The following TIGIT variants were observed in gnomAD, a reference collection of about 807,000 sequenced individuals.
TIGIT encodes T cell immunoreceptor with Ig and ITIM domains, also known as T-cell immunoreceptor with Ig and ITIM domains.
A neutral mutation model predicts 19.6 loss-of-function variants in TIGIT; 11 were observed. The observed-to-expected ratio is 0.56, with a 90% CI of 0.35 to 0.93. The LOEUF is 0.93. Ranked by LOEUF, TIGIT falls within the 40% of genes least tolerant of loss-of-function variation. The pLI, the probability that TIGIT is intolerant of heterozygous loss-of-function variation, is 0.01. For synonymous variants in TIGIT, 130 were observed against 125.5 expected, an observed-to-expected ratio of 1.04 and a Z score of -0.24; for missense variants, 295 against 303.9, an observed-to-expected ratio of 0.97 and a Z score of 0.22.
chr3:114,297,532 G>A (rs2078462913), intron 2 of TIGIT, among the ~76,000 whole-genome samples: 1 of 152,176 alleles, frequency 6.6e-6, no homozygotes, highest in African/African-American at 2.4e-5. Flanking sequence ...TCATATGCCA[G>A]AGGACCCATC....
intron 3 of TIGIT, among the ~76,000 whole-genome samples, chr3:114,303,199 A>AT (rs557808265): frequency 1.4e-3 from 213 of 151,260 alleles, no homozygotes; most frequent in Non-Finnish European, 2.5e-3. Flanking sequence ...GATTTCTGAG[A>AT]TTTTGGTGCA....
At chr3:114,300,605 GTA>G (rs2078486598) in intron 3 of TIGIT, among the ~76,000 whole-genome samples, 1 of 152,138 alleles carries the variant, frequency 6.6e-6, no homozygotes, top group African/African-American at 2.4e-5. Flanking sequence ...TTCTGCCGCT[GTA>G]ACAGAATACA....
intron 3 of TIGIT, among the ~76,000 whole-genome samples, chr3:114,306,622 T>G (rs2078536798): frequency 6.6e-6 from 1 of 152,144 alleles, no homozygotes; most frequent in African/African-American, 2.4e-5. Flanking sequence ...ATGAGAAAAC[T>G]TCAGTCAAAT....
rs764546288 is a variant in TIGIT, at chr3:114,295,616, T to C, written c.133T>C (p.Cys45Arg). 9 of 1,614,180 alleles carry C rather than the reference T, an allele frequency of 5.6e-6. No individual in the cohort carries two copies. The highest frequency in any genetic ancestry group is 6.8e-6 in the Non-Finnish European group (8 of 1,180,026). ...AEKGGSIILQ[C>R]HLSSTTAQVT... ...GAAAGGTGGCTCTATCATCTTACAA[T>C]GTCACCTCTCCTCCACCACGGCACA... The change falls in exon 2 of 4, where the codon TGT becomes CGT. Residue 45 changes from cysteine to arginine, a missense_variant. Coordinates refer to ENST00000383671, the MANE Select transcript of TIGIT (RefSeq NM_173799.4).
Position 114,308,164 on chromosome 3 carries a change from T to G in TIGIT, c.*33T>G. 1 of 1,579,918 alleles carries G rather than the reference T, an allele frequency of 6.3e-7. No individual in the cohort carries two copies. The highest frequency in any genetic ancestry group is 1.1e-5 in the South Asian group (1 of 89,650). ...AGGCATCTTCTGGAAGATACACTTT[T>G]GTCTTTGCTATTATAGATGAATATA... is the stretch of plus-strand genomic sequence containing the variant. On this transcript the variant is annotated 3_prime_UTR_variant, in exon 4 of 4. Transcript: ENST00000383671.
intron 3 of TIGIT, among the ~76,000 whole-genome samples, chr3:114,303,667 C>T (rs1278024607): frequency 1.4e-5 from 2 of 147,454 alleles, no homozygotes; most frequent in Non-Finnish European, 3.0e-5. Context: ...AGACACATTA[C>T]AATTTCTTTA....
intron 3 of TIGIT, among the ~76,000 whole-genome samples, chr3:114,303,399 A>G (rs1394350364): frequency 2.0e-5 from 3 of 151,498 alleles, no homozygotes; most frequent in Non-Finnish European, 4.4e-5. Flanking sequence ...TTCCTGAGTT[A>G]CTTCACTTAT....
chr3:114,298,896 C>T (rs2078471850), intron 2 of TIGIT, among the ~76,000 whole-genome samples: 2 of 152,232 alleles, frequency 1.3e-5, no homozygotes. Flanking sequence ...TGTTCTTTTT[C>T]TCACATTCTT....
In TIGIT at chr3:114,308,173, T is replaced by C; in HGVS notation, c.*42T>C. The C allele has an allele frequency of 6.5e-7, 1 of 1,536,428 alleles. No homozygotes were observed. Among genetic ancestry groups the C allele is most frequent in the South Asian group, 1.1e-5 (1 of 87,714 alleles). Reference sequence around the variant, plus strand: ...CTGGAAGATACACTTTTGTCTTTGCTATTATAGATGAATATATAAGCAGCT... The same window carrying C: ...CTGGAAGATACACTTTTGTCTTTGCCATTATAGATGAATATATAAGCAGCT... On this transcript the variant is annotated 3_prime_UTR_variant, in exon 4 of 4. Coordinates refer to ENST00000383671, the MANE Select transcript of TIGIT (RefSeq NM_173799.4).
At chr3:114,299,049 G>C (rs569719928) in intron 2 of TIGIT, among the ~76,000 whole-genome samples, 1 of 152,218 alleles carries the variant, frequency 6.6e-6, no homozygotes, top group Non-Finnish European at 1.5e-5. Flanking sequence ...CATTCGCTAT[G>C]TGTCAGATGC....
chr3:114,307,792 C>A (rs1296226331), intron 3 of TIGIT, 103 bp from the exon 4 acceptor site: 1 of 1,021,398 alleles, frequency 9.8e-7, no homozygotes. Context: ...CATAAGTTTG[C>A]TGGTGTGCAT....
rs952870895 is a variant in TIGIT, at chr3:114,310,172, C to A, written c.*2041C>A. 1.3e-5 allele frequency: 2 copies of A among 152,088 alleles called. No homozygotes were observed. Among genetic ancestry groups the A allele is most frequent in the South Asian group, 4.1e-4 (2 of 4,822 alleles). 9.4% of individuals were successfully genotyped at this position (152,088 alleles called of 1,614,324 possible). ...TAATTGGTATAAGCATAAAATCACA[C>A]TAGATTCTGGAGATTTAATATGAAT... On this transcript the variant is annotated 3_prime_UTR_variant, in exon 4 of 4. Transcript: ENST00000383671.
intron 2 of TIGIT, 30 bp from the exon 3 acceptor site, chr3:114,299,567 C>A: frequency 6.5e-7 from 1 of 1,537,124 alleles, no homozygotes; most frequent in Non-Finnish European, 9.0e-7. Context: ...CTGGCTTCTG[C>A]CACTCATCTC....
intron 2 of TIGIT, 199 bp downstream of exon 2, chr3:114,296,073 A>G (rs2107947508): frequency 1.9e-6 from 1 of 538,114 alleles, no homozygotes; most frequent in Non-Finnish European, 3.3e-6. Context: ...AACAAGGGTA[A>G]GGTCTAAAAG....
At chr3:114,295,966 C>A in intron 2 of TIGIT, 92 bp downstream of exon 2, 2 of 1,059,520 alleles carry the variant, frequency 1.9e-6, no homozygotes, top group Non-Finnish European at 1.4e-6. Context: ...CTTCTCAATT[C>A]GGGATCACAT....
chr3:114,299,570 C>T, intron 2 of TIGIT, 27 bp from the exon 3 acceptor site: 1 of 1,559,494 alleles, frequency 6.4e-7, no homozygotes, highest in East Asian at 2.2e-5. Flanking sequence ...GCTTCTGCCA[C>T]TCATCTCTGT....
chr3:114,300,388 TTGG>T (rs2078484926), intron 3 of TIGIT, among the ~76,000 whole-genome samples: 2 of 149,968 alleles, frequency 1.3e-5, no homozygotes, highest in South Asian at 4.2e-4. Context: ...AAAAAAAAAA[TTGG>T]TGGTAAAGTG....
At position 114,308,339 on chromosome 3, in the gene TIGIT, G is replaced by A; in HGVS notation, c.*208G>A. Reference sequence around the variant, plus strand: ...TCCATTTTGCATTATGGCAGGCCTAGGGTGAGTAACGTGGATCTTGATCAT... The same window carrying A: ...TCCATTTTGCATTATGGCAGGCCTAAGGTGAGTAACGTGGATCTTGATCAT... On this transcript the variant is annotated 3_prime_UTR_variant, in exon 4 of 4. Transcript: ENST00000383671. 1 of 517,306 alleles carries A rather than the reference G, an allele frequency of 1.9e-6. No individual in the cohort carries two copies. The highest frequency in any genetic ancestry group is 3.5e-5 in the Admixed American group (1 of 28,190). 32.0% of individuals were successfully genotyped at this position (517,306 alleles called of 1,614,324 possible).
intron 3 of TIGIT, among the ~76,000 whole-genome samples, chr3:114,302,959 T>G (rs1009090376): frequency 7.2e-5 from 11 of 152,186 alleles, no homozygotes; most frequent in Non-Finnish European, 1.0e-4. Flanking sequence ...TGGTCTCTGT[T>G]GCAACAATTC....
Sources: allele counts gnomAD v4.1 joint callset (sites outside exome capture counted in the v4.1 genomes callset), GRCh38; gene constraint gnomAD v4.1.1; transcripts MANE v1.5; gene names NCBI Gene and HGNC (gene_info 2026-07-23, HGNC 2026-07-21).